Variants in CHRM2 observed in about 807,000 individuals in gnomAD.
The protein encoded by CHRM2 is muscarinic acetylcholine receptor M2.
A neutral mutation model predicts 25.0 loss-of-function variants in CHRM2; 8 were observed. The observed-to-expected ratio is 0.32, with a 90% CI of 0.19 to 0.58. The LOEUF (loss-of-function observed/expected upper bound fraction) is 0.58, where lower values mean the gene tolerates loss of function less well. Among genes scored for constraint, CHRM2 ranks in the 20% least tolerant of loss-of-function variants. CHRM2 has a pLI of 0.88. For missense variants in CHRM2, 440 were observed against 567.1 expected (o/e 0.78, Z 2.28); for synonymous variants, 202 against 205.7 (o/e 0.98, Z 0.15).
chr7:136,932,470 T>C (rs1038702032), intron 2 of CHRM2, among the ~76,000 whole-genome samples: 2 of 152,196 alleles, frequency 1.3e-5, no homozygotes, highest in Admixed American at 6.5e-5. Context: ...GAATAAAACC[T>C]TACATTTATG....
At position 136,965,629 on chromosome 7, in the gene CHRM2, C is replaced by T. The variant is rs192025153; in HGVS notation, c.-124-26558C>T. 3.9e-3 allele frequency among the ~76,000 whole-genome samples: 594 copies of T among 151,968 alleles called. 3 individuals carry two copies. Among genetic ancestry groups the T allele is most frequent in the Middle Eastern group, 0.014 (4 of 294 alleles). On this transcript the variant is annotated intron_variant, in intron 2 of 3. Transcript: ENST00000680005. ...ACACTGTAATTAAAAACAATCTTGA[C>T]GAAGAAGAAAAAGAAGCTCCTACAG...
chr7:136,951,230 G>A (rs1448040411), intron 2 of CHRM2: 3 of 152,104 alleles, frequency 2.0e-5, no homozygotes, highest in African/African-American at 7.2e-5. Context: ...TAGAAATGAG[G>A]CAAAAGGTGC....
chr7:136,937,916 T>C (rs1799514166), intron 2 of CHRM2, among the ~76,000 whole-genome samples: 1 of 152,016 alleles, frequency 6.6e-6, no homozygotes, highest in African/African-American at 2.4e-5. Context: ...TGGAAGAGGG[T>C]CTCCTGTGGT....
Position 136,904,806 on chromosome 7 carries a change from A to G in CHRM2, c.-125+35388A>G, listed in dbSNP as rs73445266. 2.7e-3 allele frequency among the ~76,000 whole-genome samples: 412 copies of G among 152,088 alleles called. 2 individuals carry two copies. Among genetic ancestry groups the G allele is most frequent in the African/African-American group, 9.7e-3 (401 of 41,546 alleles). ...AGGGAGCACAGGCTTGCTGCTTTTC[A>G]GTCTTTTGGCTAAGACCAGGTGAAA... On this transcript the variant is annotated intron_variant, in intron 2 of 3. Coordinates refer to ENST00000680005, the MANE Select transcript of CHRM2 (RefSeq NM_001006630.2).
intron 2 of CHRM2, among the ~76,000 whole-genome samples, chr7:136,886,212 T>C (rs2130533821): frequency 6.6e-6 from 1 of 152,364 alleles, no homozygotes; most frequent in African/African-American, 2.4e-5. Flanking sequence ...ATCTAGCTTA[T>C]GATGTCTGCC....
At chr7:136,902,505 G>A (rs1797281837) in intron 2 of CHRM2, 1 of 151,970 alleles carries the variant, frequency 6.6e-6, no homozygotes, top group South Asian at 2.1e-4. Context: ...TTAGAAGCTG[G>A]TGGGATAGGG....
intron 2 of CHRM2, among the ~76,000 whole-genome samples, chr7:136,915,563 G>A (rs574855260): frequency 6.6e-6 from 1 of 151,824 alleles, no homozygotes; most frequent in African/African-American, 2.4e-5. Context: ...TTTATAGGGA[G>A]ATTGAAGAAT....
At chr7:136,881,450 G>T (rs540572733) in intron 2 of CHRM2, among the ~76,000 whole-genome samples, 1 of 151,756 alleles carries the variant, frequency 6.6e-6, no homozygotes, top group African/African-American at 2.4e-5. Flanking sequence ...AGGCATTAGA[G>T]AAATATTTTT....
At chr7:136,888,917 G>A (rs551034899) in intron 2 of CHRM2, among the ~76,000 whole-genome samples, 1 of 151,578 alleles carries the variant, frequency 6.6e-6, no homozygotes, top group South Asian at 2.1e-4. Context: ...GCGTGGTGGC[G>A]GGCACCTGTA....
At chr7:136,872,904 C>T (rs543282522) in intron 2 of CHRM2, among the ~76,000 whole-genome samples, 4 of 152,154 alleles carry the variant, frequency 2.6e-5, no homozygotes, top group Non-Finnish European at 5.9e-5. Flanking sequence ...TGCATGTGAG[C>T]GAACCCTTTC....
intron 2 of CHRM2, among the ~76,000 whole-genome samples, chr7:136,956,450 G>C (rs984879717): frequency 6.6e-6 from 1 of 152,146 alleles, no homozygotes; most frequent in Non-Finnish European, 1.5e-5. Flanking sequence ...TAAGATTAGT[G>C]GGTATAGATA....
At chr7:136,874,818 G>C (rs915946497) in intron 2 of CHRM2, among the ~76,000 whole-genome samples, 1 of 151,742 alleles carries the variant, frequency 6.6e-6, no homozygotes, top group Non-Finnish European at 1.5e-5. Context: ...TGTTTACTAT[G>C]TATACAGTTA....
intron 2 of CHRM2, among the ~76,000 whole-genome samples, chr7:136,944,542 T>C (rs1294887974): frequency 6.6e-6 from 1 of 152,118 alleles, no homozygotes; most frequent in Non-Finnish European, 1.5e-5. Context: ...TATATACATA[T>C]ATATCACAGT....
intron 2 of CHRM2, among the ~76,000 whole-genome samples, chr7:136,985,721 C>G (rs1802813741): frequency 6.6e-6 from 1 of 152,038 alleles, no homozygotes; most frequent in Non-Finnish European, 1.5e-5. Flanking sequence ...CATAATGTTA[C>G]TTGAGCATTT....
chr7:136,965,929 A>T (rs1315937089), intron 2 of CHRM2, among the ~76,000 whole-genome samples: 1 of 152,028 alleles, frequency 6.6e-6, no homozygotes, highest in Non-Finnish European at 1.5e-5. Flanking sequence ...TGTGGCAGAA[A>T]TAACCTTAAG....
chr7:136,926,317 T>G (rs1211195547), intron 2 of CHRM2, among the ~76,000 whole-genome samples: 2 of 152,228 alleles, frequency 1.3e-5, no homozygotes, highest in East Asian at 3.9e-4. Flanking sequence ...TAACTCAAAT[T>G]AATTTAGTTG....
At chr7:136,876,318 G>C (rs776209081) in intron 2 of CHRM2, among the ~76,000 whole-genome samples, 9 of 152,098 alleles carry the variant, frequency 5.9e-5, no homozygotes, top group Admixed American at 3.3e-4. Context: ...GCTAGAACTT[G>C]TTAGGGATAC....
chr7:136,992,292 T>A (rs1458840049), intron 3 of CHRM2, 28 bp downstream of exon 3: 1 of 152,152 alleles, frequency 6.6e-6, no homozygotes, highest in African/African-American at 2.4e-5. Flanking sequence ...TTTTAATGAA[T>A]AAATTAATAC....
In CHRM2 at chr7:136,943,088, C is replaced by T. The variant is rs140748908; in HGVS notation, c.-124-49099C>T. Among the ~76,000 whole-genome samples, 38 of 152,266 alleles carry T rather than the reference C, an allele frequency of 2.5e-4. No homozygotes were observed. The East Asian group carries it at 7.2e-3, about 29-fold the overall frequency. ...CCATTTAGCCTTTCTTTGGATACCT[C>T]CAGTGTCAGGAAGCTCCCTGTTTTG... is the stretch of plus-strand genomic sequence containing the variant. On this transcript the variant is annotated intron_variant, in intron 2 of 3. Coordinates refer to ENST00000680005, the MANE Select transcript of CHRM2 (RefSeq NM_001006630.2).
Sources: allele counts gnomAD v4.1 joint callset (sites outside exome capture counted in the v4.1 genomes callset), GRCh38; gene constraint gnomAD v4.1.1; transcripts MANE v1.5; gene names NCBI Gene and HGNC (gene_info 2026-07-23, HGNC 2026-07-21).